Variants in RASSF3 observed in about 807,000 individuals in gnomAD.
RASSF3 encodes the protein ras association domain-containing protein 3.
A neutral mutation model predicts 19.9 loss-of-function variants in RASSF3; 19 were observed. That is an observed-to-expected ratio of 0.96 (90% CI 0.67 to 1.40). RASSF3 has a LOEUF of 1.40. RASSF3 is among the 40% of genes most tolerant of loss of function. RASSF3 has a pLI of 0.00. For synonymous variants in RASSF3, 110 were observed against 104.2 expected (o/e 1.06, Z -0.34); for missense variants, 306 against 289.8 (o/e 1.06, Z -0.41).
At chr12:64,653,326 C>G (rs994704304) in intron 1 of RASSF3, among the ~76,000 whole-genome samples, 1 of 152,120 alleles carries the variant, frequency 6.6e-6, no homozygotes, top group Non-Finnish European at 1.5e-5. Flanking sequence ...GTAATCCTCC[C>G]ACTTCAGCCT....
rs1868348809 is a variant in RASSF3 at position 64,695,818 on chromosome 12, G to C, written c.*906G>C. ...CCCTTTTGGAGTGGAAGGTCTGATT[G>C]GTGTAGCTGCTCTGCATAGGCAGGA... On this transcript the variant is annotated 3_prime_UTR_variant, in exon 5 of 5. Transcript: ENST00000542104. The C allele has an allele frequency of 6.6e-6, 1 of 152,258 alleles. No individual in the cohort carries two copies. Among genetic ancestry groups the C allele is most frequent in the Admixed American group, 6.5e-5 (1 of 15,288 alleles). The allele number at this position is 152,258 out of a possible 1,614,324, so 9.4% of individuals were successfully genotyped here.
intron 1 of RASSF3, among the ~76,000 whole-genome samples, chr12:64,636,457 G>C (rs1229942031): frequency 2.0e-5 from 3 of 151,996 alleles, no homozygotes; most frequent in Admixed American, 2.0e-4. Context: ...AGTAGGCTTC[G>C]GAAATTTGTT....
chr12:64,600,012 A>C (rs1870064605), intron 2 of RASSF3, among the ~76,000 whole-genome samples: 1 of 133,188 alleles, frequency 7.5e-6, no homozygotes, highest in South Asian at 2.6e-4. Context: ...AGCCTGGGCG[A>C]GAGAGAGAGA....
At chr12:64,643,735 A>C (rs1871631095) in intron 1 of RASSF3, among the ~76,000 whole-genome samples, 1 of 152,148 alleles carries the variant, frequency 6.6e-6, no homozygotes, top group Admixed American at 6.6e-5. Flanking sequence ...TAACTGAAAA[A>C]AATGTTTTGC....
chr12:64,657,946 G>A (rs1872217823), intron 1 of RASSF3, among the ~76,000 whole-genome samples: 1 of 152,186 alleles, frequency 6.6e-6, no homozygotes, highest in African/African-American at 2.4e-5. Flanking sequence ...ACATGGTGGT[G>A]CAGGCTGAGG....
chr12:64,642,220 T>C (rs989505973), intron 1 of RASSF3, among the ~76,000 whole-genome samples: 1 of 152,004 alleles, frequency 6.6e-6, no homozygotes, highest in Non-Finnish European at 1.5e-5. Context: ...TAAAAAACTA[T>C]CTTAAGGAAA....
chr12:64,546,264 TTTTA>T (rs549758168), downstream of RASSF3, among the ~76,000 whole-genome samples: 11 of 151,980 alleles, frequency 7.2e-5, no homozygotes, highest in East Asian at 9.7e-4. Context: ...TAATACATTG[TTTTA>T]TTTATTTATT....
chr12:64,685,678 C>T (rs1478270617), intron 2 of RASSF3, among the ~76,000 whole-genome samples: 1 of 152,202 alleles, frequency 6.6e-6, no homozygotes, highest in Non-Finnish European at 1.5e-5. Context: ...TACTCAGTTT[C>T]TTCCACGTCG....
At chr12:64,618,271 CAGGT>C (rs1870621020) in intron 1 of RASSF3, among the ~76,000 whole-genome samples, 1 of 152,126 alleles carries the variant, frequency 6.6e-6, no homozygotes, top group Non-Finnish European at 1.5e-5. Flanking sequence ...ATAGTTTAAA[CAGGT>C]AGTTCTGGTT....
At chr12:64,644,438 A>G (rs1304938964) in intron 1 of RASSF3, among the ~76,000 whole-genome samples, 1 of 152,090 alleles carries the variant, frequency 6.6e-6, no homozygotes, top group Non-Finnish European at 1.5e-5. Flanking sequence ...GCTCATGTCT[A>G]TAATCCCAGA....
intron 1 of RASSF3, among the ~76,000 whole-genome samples, chr12:64,657,187 T>G (rs2136195278): frequency 6.6e-6 from 1 of 152,170 alleles, no homozygotes. Flanking sequence ...AATTTTTGTA[T>G]TTTTAGTAGA....
intron 2 of RASSF3, among the ~76,000 whole-genome samples, chr12:64,552,231 A>C (rs553125682): frequency 8.0e-4 from 122 of 152,228 alleles, no homozygotes; most frequent in Admixed American, 2.0e-3. Flanking sequence ...GGTAGAGGGA[A>C]AGCTGAGACC....
chr12:64,509,862 G>A (rs528736653), intron 1 of RASSF3, among the ~76,000 whole-genome samples: 3 of 152,166 alleles, frequency 2.0e-5, no homozygotes, highest in East Asian at 1.9e-4. Context: ...CAAGGCGGGC[G>A]GATCGCTTGA....
At position 64,697,060 on chromosome 12, in the gene RASSF3, A is replaced by ATTTTTTTTTTT. The variant is rs60256040; in HGVS notation, c.*2160_*2170dup. On this transcript the variant is annotated 3_prime_UTR_variant, in exon 5 of 5. Transcript: ENST00000542104. The stretch of plus-strand genomic sequence containing the variant: ...AGTAGTAGCTGATGGGTATCTGTGA[A>ATTTTTTTTTTT]TTTTTTTTTTTTTTTTTTTTTTACT... 7.4e-6 allele frequency: 1 copy of ATTTTTTTTTTT among 134,784 alleles called. No individual in the cohort carries two copies. The highest frequency in any genetic ancestry group is 1.6e-5 in the Non-Finnish European group (1 of 62,348). 8.3% of individuals were successfully genotyped at this position (134,784 alleles called of 1,614,324 possible). A position where few individuals can be genotyped will look rare whatever the true frequency, so the allele number is the denominator to read the frequency against.
At chr12:64,577,820 G>A (rs1869621065) in intron 2 of RASSF3, among the ~76,000 whole-genome samples, 1 of 152,140 alleles carries the variant, frequency 6.6e-6, no homozygotes, top group African/African-American at 2.4e-5. Flanking sequence ...TTTGTTATTG[G>A]GCACCTGTTG....
At chr12:64,660,034 A>G (rs202128750) in intron 1 of RASSF3, among the ~76,000 whole-genome samples, 1 of 95,160 alleles carries the variant, frequency 1.1e-5, no homozygotes, top group African/African-American at 3.9e-5. Flanking sequence ...GTGTATGTGT[A>G]TATATATGTG....
intron 2 of RASSF3, among the ~76,000 whole-genome samples, chr12:64,580,008 T>A (rs372930085): frequency 1.3e-5 from 2 of 151,962 alleles, no homozygotes; most frequent in East Asian, 3.9e-4. Flanking sequence ...AGAGATGGGG[T>A]TTCACCACGT....
chr12:64,649,338 A>G (rs1592443781), intron 1 of RASSF3, among the ~76,000 whole-genome samples: 1 of 151,042 alleles, frequency 6.6e-6, no homozygotes, highest in African/African-American at 2.4e-5. Context: ...GACTACAGGC[A>G]CCCGCCACCA....
intron 2 of RASSF3, among the ~76,000 whole-genome samples, chr12:64,551,705 A>G (rs1869166953): frequency 6.6e-6 from 1 of 152,146 alleles, no homozygotes; most frequent in Non-Finnish European, 1.5e-5. Flanking sequence ...ATGTTAACTA[A>G]TATTATTGTT....
Sources: allele counts gnomAD v4.1 joint callset (sites outside exome capture counted in the v4.1 genomes callset), GRCh38; gene constraint gnomAD v4.1.1; transcripts MANE v1.5; gene names NCBI Gene and HGNC (gene_info 2026-07-23, HGNC 2026-07-21).